The following LLGL1 variants were observed in gnomAD, a reference collection of about 807,000 sequenced individuals.
LLGL1 encodes the protein lethal(2) giant larvae protein homolog 1.
In LLGL1, 58 loss-of-function variants were observed where a neutral mutation model predicts 110.6. The ratio of observed to expected loss-of-function variants is 0.52; its 90% confidence interval spans 0.42 to 0.65. LLGL1 has a LOEUF of 0.65. Among genes scored for constraint, LLGL1 ranks in the 30% least tolerant of loss-of-function variants. LLGL1 has a pLI of 0.00. For missense variants in LLGL1, 1,229 were observed against 1,462.1 expected, an observed-to-expected ratio of 0.84 and a Z score of 2.60; for synonymous variants, 674 against 607.2, an observed-to-expected ratio of 1.11 and a Z score of -1.62.
rs1475191155 is a variant in LLGL1, at chr17:18,242,586, C to T, written c.3074C>T (p.Thr1025Met). ...ACCAGTGCTGACACCACGCTGGACA[C>T]GACAGGGGACGTCACAGTGGAAGAT... ...SATSADTTLD[T>M]TGDVTVEDVK... Residue 1025 changes from threonine (T) to methionine (M), a missense_variant, in exon 21 of 23, where the codon ACG becomes ATG. By Grantham distance (81) the Thr-to-Met change is moderately conservative (BLOSUM62 -1). Transcript: ENST00000316843. 6 of 1,614,038 alleles carry T rather than the reference C, an allele frequency of 3.7e-6. No individual in the cohort carries two copies. The highest frequency in any genetic ancestry group is 1.7e-4 in the Middle Eastern group (1 of 6,060).
intron 16 of LLGL1, among the ~76,000 whole-genome samples, chr17:18,239,258 G>T (rs2047768757): frequency 1.3e-5 from 2 of 152,202 alleles, no homozygotes; most frequent in Admixed American, 6.5e-5. Context: ...GAGGGTCGAG[G>T]TGTGTGGTTC....
Position 18,240,776 on chromosome 17 carries a change from C to A in LLGL1, c.2405C>A (p.Pro802Gln). 6.2e-7 allele frequency: 1 copy of A among 1,604,960 alleles called. No individual in the cohort carries two copies. Among genetic ancestry groups the A allele is most frequent in the Non-Finnish European group, 8.5e-7 (1 of 1,175,748 alleles). ...GCCGTGTTGGACGGGCGTGGCCGCC[C>A]ACTGCCCGAGCCCTACGAGGCCTCA... ...AIAVLDGRGR[P>Q]LPEPYEASRD... The change falls in exon 17 of 23, where the codon CCA (proline) becomes CAA (glutamine). Residue 802 changes from proline (P) to glutamine (Q), a missense_variant. Transcript: ENST00000316843. The surrounding 1 kb of genome is among the most constrained non-coding windows in gnomAD (Gnocchi z 5.3).
intron 1 of LLGL1, among the ~76,000 whole-genome samples, chr17:18,226,753 G>A (rs1567683891): frequency 6.6e-6 from 1 of 152,318 alleles, no homozygotes; most frequent in East Asian, 1.9e-4. Flanking sequence ...GAAAGGGGCC[G>A]CCTCAGCCCC....
At position 18,240,161 on chromosome 17, in the gene LLGL1, A is replaced by G. The variant is rs2047795255; in HGVS notation, c.2207-417A>G. The stretch of plus-strand genomic sequence containing the variant: ...ACCTGTCGACAGGACTAGCAAGGGG[A>G]CGCAGGGGTGGAGAGAGGAGTCGGG... On this transcript the variant is annotated intron_variant, in intron 16 of 22. Transcript: ENST00000316843. The surrounding 1 kb of genome is among the most constrained non-coding windows in gnomAD (Gnocchi z 5.3). Among the ~76,000 whole-genome samples the G allele has an allele frequency of 6.6e-6, 1 of 151,982 alleles. No homozygotes were observed. The highest frequency in any genetic ancestry group is 2.4e-5 in the African/African-American group (1 of 41,356).
Position 18,235,329 on chromosome 17 carries a change from G to C in LLGL1, c.1284+17G>C, listed in dbSNP as rs987173486. On this transcript the variant is annotated intron_variant, in intron 10 of 22. Transcript: ENST00000316843. ...AGTGCCTTGGTGTGTGCGGCGATCAGGGGGGTCTTACAGGGTGGAGTCTTG... is the reference window on the plus strand; with the variant it reads ...AGTGCCTTGGTGTGTGCGGCGATCACGGGGGTCTTACAGGGTGGAGTCTTG... 7 of 1,607,770 alleles carry C rather than the reference G, an allele frequency of 4.4e-6. No individual in the cohort carries two copies. Among genetic ancestry groups the C allele is most frequent in the African/African-American group, 2.7e-5 (2 of 74,810 alleles).
rs147271988 is a variant in LLGL1 at position 18,244,807 on chromosome 17, T to C, written c.*901T>C. The C allele has an allele frequency of 1.2e-4, 42 of 344,120 alleles. No homozygotes were observed. In the East Asian group the frequency reaches 1.6e-3, roughly 13 times the overall value. The allele number at this position is 344,120 out of a possible 1,614,324, so 21.3% of individuals were successfully genotyped here. On this transcript the variant is annotated 3_prime_UTR_variant, in exon 23 of 23. Coordinates refer to ENST00000316843, the MANE Select transcript of LLGL1 (RefSeq NM_004140.4). ...TTTTTTTCTGTCGTTTTGTTAAAAT[T>C]AGCGCCATTTTAATATTAAAAATAC...
At chr17:18,241,233 T>C in intron 17 of LLGL1, 1 of 628,734 alleles carries the variant, frequency 1.6e-6, no homozygotes, top group Non-Finnish European at 2.7e-6. Context: ...AACTCTGTGA[T>C]TGATTTTGTC....
chr17:18,234,097 C>T lies in LLGL1; in HGVS notation c.636C>T (p.Leu212=), dbSNP rs1209658763. 3 of 1,612,116 alleles carry T rather than the reference C, an allele frequency of 1.9e-6. No homozygotes were observed. The highest frequency in any genetic ancestry group is 2.5e-6 in the Non-Finnish European group (3 of 1,179,114). The part of the protein sequence containing the change: ...QGHLRDPTKI[L]IGYSRGLLVI... Reference sequence around the variant, plus strand: ...ACCTGCGGGACCCCACAAAGATTCTCATTGGCTACAGCCGGGGCCTGCTGG... The same window carrying T: ...ACCTGCGGGACCCCACAAAGATTCTTATTGGCTACAGCCGGGGCCTGCTGG... The change falls in exon 6 of 23, where the codon CTC becomes CTT. Residue 212 remains leucine, a synonymous_variant. Transcript: ENST00000316843.
At chr17:18,230,720 C>T (rs1186704686) in intron 2 of LLGL1, among the ~76,000 whole-genome samples, 1 of 152,184 alleles carries the variant, frequency 6.6e-6, no homozygotes, top group Non-Finnish European at 1.5e-5. Flanking sequence ...ACCCCTACCC[C>T]TCCTGTGTGG....
chr17:18,227,147 TAG>T (rs2047462246), intron 1 of LLGL1, among the ~76,000 whole-genome samples: 1 of 152,014 alleles, frequency 6.6e-6, no homozygotes, highest in South Asian at 2.1e-4. Flanking sequence ...GGACCTGGAG[TAG>T]TGGAGGCACT....
In LLGL1 at chr17:18,230,018, C is replaced by T. The variant is rs1428963377; in HGVS notation, c.159C>T (p.Thr53=). The T allele has an allele frequency of 1.9e-6, 3 of 1,611,538 alleles. No homozygotes were observed. The highest frequency in any genetic ancestry group is 2.2e-5 in the East Asian group (1 of 44,880). Residue 53 remains threonine (T), a synonymous_variant, in exon 2 of 23, where the codon ACC becomes ACT. Coordinates refer to ENST00000316843, the MANE Select transcript of LLGL1 (RefSeq NM_004140.4). The part of the protein sequence containing the change: ...DPELRIMAIG[T]RSGAVKIYGA... ...AACTTCGCATCATGGCCATCGGCAC[C>T]AGGTCTGGGGCTGTCAAGATGTATC... is the stretch of plus-strand genomic sequence containing the variant.
chr17:18,239,668 G>A (rs1029498873), intron 16 of LLGL1, among the ~76,000 whole-genome samples: 1 of 152,050 alleles, frequency 6.6e-6, no homozygotes, highest in Non-Finnish European at 1.5e-5. Context: ...GCTTTCTGAT[G>A]CCATTTATTT....
intron 22 of LLGL1, among the ~76,000 whole-genome samples, chr17:18,243,412 G>A (rs1167475836): frequency 6.6e-6 from 1 of 152,198 alleles, no homozygotes; most frequent in African/African-American, 2.4e-5. Context: ...CGGCCAACAA[G>A]ACCAGATTAA....
Position 18,235,535 on chromosome 17 carries a change from G to T in LLGL1, c.1350G>T (p.Thr450=). The T allele has an allele frequency of 6.2e-7, 1 of 1,613,582 alleles. No individual in the cohort carries two copies. Among genetic ancestry groups the T allele is most frequent in the South Asian group, 1.1e-5 (1 of 91,042 alleles). The part of the protein sequence containing the change: ...QEPSQRGLLL[T]GHEDGTVRFW... ...CGTCACAGCGAGGGCTGCTGCTGAC[G>T]GGGTAGGTGTGCGTGCTTATGTGGG... The change falls in exon 11 of 23, where the codon ACG becomes ACT. Residue 450 remains threonine, a splice_region_variant and synonymous_variant. Coordinates refer to ENST00000316843, the MANE Select transcript of LLGL1 (RefSeq NM_004140.4).
intron 1 of LLGL1, among the ~76,000 whole-genome samples, chr17:18,228,014 G>T (rs988974446): frequency 4.6e-5 from 7 of 152,164 alleles, no homozygotes; most frequent in Admixed American, 4.6e-4. Flanking sequence ...ATCGCCTGTG[G>T]AATGTGCCTT....
rs566908729 is a variant in LLGL1 at position 18,242,432 on chromosome 17, G to A, written c.2996-76G>A. On this transcript the variant is annotated intron_variant, in intron 20 of 22. Transcript: ENST00000316843. ...CACCCCTCACCATGGGCTGCCTTAT[G>A]GGTCTGTGTCCCTAGGCCCCCAGGT... 1.0e-4 allele frequency: 161 copies of A among 1,596,526 alleles called. No homozygotes were observed. In the Middle Eastern group the frequency reaches 2.0e-3, roughly 20 times the overall value.
chr17:18,228,284 T>G (rs190955329), intron 1 of LLGL1, among the ~76,000 whole-genome samples: 1 of 152,292 alleles, frequency 6.6e-6, no homozygotes, highest in Non-Finnish European at 1.5e-5. Flanking sequence ...GAGGCTTCTC[T>G]GAGGAGATTA....
chr17:18,226,137 G>A (rs1443277869), intron 1 of LLGL1, among the ~76,000 whole-genome samples: 2 of 152,086 alleles, frequency 1.3e-5, no homozygotes, highest in African/African-American at 4.8e-5. Context: ...TGTGTGTGGT[G>A]GGGGTGTCTC....
At chr17:18,234,449 AG>A in intron 7 of LLGL1, 41 bp downstream of exon 7, 1 of 1,602,978 alleles carries the variant, frequency 6.2e-7, no homozygotes. Flanking sequence ...TGGTGATGGG[AG>A]GGGGCACCAC....
Sources: allele counts gnomAD v4.1 joint callset (sites outside exome capture counted in the v4.1 genomes callset), GRCh38; gene constraint gnomAD v4.1.1; non-coding constraint Gnocchi (gnomAD v3.1); transcripts MANE v1.5; gene names NCBI Gene and HGNC (gene_info 2026-07-23, HGNC 2026-07-21).